CCDC91: variants seen among roughly 807,000 people sequenced by gnomAD.
The protein encoded by CCDC91 is coiled-coil domain containing 91.
CCDC91 carries 48 observed loss-of-function variants against 63.2 expected under a neutral mutation model. The ratio of observed to expected loss-of-function variants is 0.76; its 90% CI spans 0.60 to 0.97. CCDC91 has a LOEUF of 0.97. CCDC91 is among the 50% of genes least tolerant of loss of function. The pLI, the probability that CCDC91 is intolerant of heterozygous loss-of-function variation, is 0.00. For missense variants in CCDC91, 500 were observed against 494.6 expected (o/e 1.01, Z -0.10); for synonymous variants, 167 against 165.8 (o/e 1.01, Z -0.06).
In CCDC91 at chr12:28,378,386, A is replaced by G. The variant is rs76645712; in HGVS notation, c.655-12918A>G. Among the ~76,000 whole-genome samples the G allele has an allele frequency of 9.2e-3, 1,407 of 152,178 alleles. 27 individuals carry two copies. The highest frequency in any genetic ancestry group is 0.032 in the African/African-American group (1,334 of 41,524). ...TTGCTAGTATTTTATTTGAACTCTT[A>G]AATTGTTTGTACCGTTTTATGAAGG... On this transcript the variant is annotated intron_variant, in intron 7 of 12. Coordinates refer to ENST00000536442, the MANE Select transcript of CCDC91 (RefSeq NM_018318.5).
Position 28,242,623 on chromosome 12 carries a change from C to T in CCDC91, c.-14-14579C>T, listed in dbSNP as rs1359688751. Reference sequence around the variant, plus strand: ...GGGAGAGAGCAAGGAACCTGTGAGTCAAAGCCATTATTGGGGTCTAGGTTG... The same window carrying T: ...GGGAGAGAGCAAGGAACCTGTGAGTTAAAGCCATTATTGGGGTCTAGGTTG... On this transcript the variant is annotated intron_variant, in intron 1 of 12. Transcript: ENST00000536442. 5.9e-5 allele frequency among the ~76,000 whole-genome samples: 9 copies of T among 151,970 alleles called. No individual in the cohort carries two copies. In the East Asian group the frequency reaches 1.7e-3, roughly 29 times the overall value.
chr12:28,195,892 C>A lies in CCDC91; in HGVS notation c.-15+5251C>A, dbSNP rs139480321. Among the ~76,000 whole-genome samples the A allele has an allele frequency of 5.0e-4, 76 of 152,188 alleles. No homozygotes were observed. In the East Asian group the frequency reaches 0.014, roughly 28 times the overall value. ...GGTCAAGGTGGGAGGATCGCTTGAG[C>A]CCAGGAGTTCAAGAGCAGCTTGGAC... On this transcript the variant is annotated intron_variant, in intron 1 of 12. Coordinates refer to ENST00000536442, the MANE Select transcript of CCDC91 (RefSeq NM_018318.5).
rs371965270 is a variant in CCDC91 at position 28,425,308 on chromosome 12, C to T, written c.763-24853C>T. 1.1e-4 allele frequency among the ~76,000 whole-genome samples: 16 copies of T among 152,134 alleles called. No individual in the cohort carries two copies. In the East Asian group the frequency reaches 1.4e-3, roughly 13 times the overall value. ...GTCTTTATCAGGCAACTCTGTCAAA[C>T]CTCCTTATTGGAAGAAGGAGGGGAA... On this transcript the variant is annotated intron_variant, in intron 8 of 12. Transcript: ENST00000536442.
chr12:28,380,109 G>C (rs1259592033), intron 7 of CCDC91, among the ~76,000 whole-genome samples: 1 of 152,020 alleles, frequency 6.6e-6, no homozygotes, highest in Non-Finnish European at 1.5e-5. Context: ...TCACTCATAG[G>C]TGGGAATTGA....
chr12:28,235,314 A>G (rs533016421), intron 1 of CCDC91, among the ~76,000 whole-genome samples: 71 of 152,170 alleles, frequency 4.7e-4, no homozygotes, highest in Non-Finnish European at 8.7e-4. Context: ...AAAATCTGCC[A>G]AAGGTTTAAA....
chr12:28,327,958 G>T (rs561453461), intron 6 of CCDC91, among the ~76,000 whole-genome samples: 1 of 152,142 alleles, frequency 6.6e-6, no homozygotes, highest in East Asian at 1.9e-4. Context: ...ATTCAGCTAG[G>T]CAGATCTTGT....
intron 12 of CCDC91, among the ~76,000 whole-genome samples, chr12:28,485,611 T>A (rs1301695677): frequency 6.6e-6 from 1 of 152,138 alleles, no homozygotes; most frequent in Non-Finnish European, 1.5e-5. Context: ...AATTAACCAC[T>A]CACAGAAACA....
chr12:28,346,299 T>G (rs1592377784), intron 6 of CCDC91, among the ~76,000 whole-genome samples: 1 of 152,208 alleles, frequency 6.6e-6, no homozygotes, highest in African/African-American at 2.4e-5. Context: ...GAGACAGCCT[T>G]GACTTTTAGA....
intron 7 of CCDC91, among the ~76,000 whole-genome samples, chr12:28,385,192 A>G (rs912935863): frequency 1.4e-4 from 22 of 152,162 alleles, no homozygotes; most frequent in Non-Finnish European, 2.6e-4. Flanking sequence ...TATTTTTCCA[A>G]GAAAGGTGAA....
intron 8 of CCDC91, among the ~76,000 whole-genome samples, chr12:28,424,432 C>G (rs1184119209): frequency 6.6e-6 from 1 of 152,260 alleles, no homozygotes; most frequent in East Asian, 1.9e-4. Context: ...CAGCAATGCA[C>G]AGAGATCCTG....
At chr12:28,390,733 T>C (rs560918491) in intron 7 of CCDC91, among the ~76,000 whole-genome samples, 18 of 152,238 alleles carry the variant, frequency 1.2e-4, no homozygotes, top group East Asian at 1.9e-4. Context: ...CTTTGACTTA[T>C]ACCTTTTCAC....
At chr12:28,334,509 G>A (rs1444089869) in intron 6 of CCDC91, among the ~76,000 whole-genome samples, 1 of 151,942 alleles carries the variant, frequency 6.6e-6, no homozygotes, top group Non-Finnish European at 1.5e-5. Flanking sequence ...GTCTAGTCTG[G>A]GGAGGGGTTA....
chr12:28,309,856 C>T (rs142336692), intron 6 of CCDC91, among the ~76,000 whole-genome samples: 62 of 152,088 alleles, frequency 4.1e-4, no homozygotes, highest in African/African-American at 1.5e-3. Context: ...TAAAATAAGG[C>T]CCTTTGTACT....
intron 6 of CCDC91, among the ~76,000 whole-genome samples, chr12:28,333,451 C>T (rs1941677085): frequency 6.6e-6 from 1 of 150,534 alleles, no homozygotes; most frequent in Admixed American, 6.6e-5. Flanking sequence ...CCACTTTGTG[C>T]ATGTCCACAA....
intron 12 of CCDC91, among the ~76,000 whole-genome samples, chr12:28,504,638 A>G (rs1938473708): frequency 6.6e-6 from 1 of 151,984 alleles, no homozygotes; most frequent in Admixed American, 6.6e-5. Flanking sequence ...GATTTCTACA[A>G]GAGCCTCCTA....
At chr12:28,237,584 C>T (rs1258632419) in intron 1 of CCDC91, among the ~76,000 whole-genome samples, 1 of 152,154 alleles carries the variant, frequency 6.6e-6, no homozygotes, top group Non-Finnish European at 1.5e-5. Flanking sequence ...ATACCAGCAG[C>T]TATCAGAAGC....
Position 28,549,841 on chromosome 12 carries a change from T to G in CCDC91, c.*668T>G, listed in dbSNP as rs1943217974. 6.6e-6 allele frequency: 1 copy of G among 152,168 alleles called. No individual in the cohort carries two copies. The highest frequency in any genetic ancestry group is 6.6e-5 in the Admixed American group (1 of 15,262). The allele number at this position is 152,168 out of a possible 1,614,324, so 9.4% of individuals were successfully genotyped here. A position where few individuals can be genotyped will look rare whatever the true frequency, so the allele number is the denominator to read the frequency against. On this transcript the variant is annotated 3_prime_UTR_variant, in exon 13 of 13. Transcript: ENST00000536442. ...ATGCTTGTTTCCTATTTCTGCTCTT[T>G]AAAGATACTTTGAATCAATAAAACC...
At chr12:28,456,011 C>G (rs183458056) in intron 11 of CCDC91, among the ~76,000 whole-genome samples, 83 of 152,252 alleles carry the variant, frequency 5.5e-4, no homozygotes, top group Non-Finnish European at 1.1e-3. Flanking sequence ...TGCCACTACT[C>G]TATTCCATCT....
At chr12:28,497,676 A>T (rs1338031083) in intron 12 of CCDC91, among the ~76,000 whole-genome samples, 1 of 151,510 alleles carries the variant, frequency 6.6e-6, no homozygotes, top group Admixed American at 6.6e-5. Context: ...TATTCTTTTC[A>T]CTATGGTTTT....
Sources: gnomAD v4.1 joint callset for allele counts (sites outside exome capture counted in the v4.1 genomes callset) on GRCh38, gnomAD v4.1.1 for gene constraint, MANE v1.5 for transcripts, NCBI Gene and HGNC (gene_info 2026-07-23, HGNC 2026-07-21) for gene names.